The following HEMK2 variants were observed in gnomAD, a reference collection of about 807,000 sequenced individuals.
HEMK2 encodes HemK methyltransferase 2, ETF1 glutamine and histone H4 lysine, also known as methyltransferase HEMK2.
the HEMK2 span, among the ~76,000 whole-genome samples, chr21:28,580,688 C>G: frequency 1.3e-5 from 2 of 152,162 alleles, no homozygotes; most frequent in African/African-American, 2.4e-5. Flanking sequence ...ACTACACACT[C>G]AGCCTCCTCC....
chr21:28,854,953 CCAT>C, the HEMK2 span, among the ~76,000 whole-genome samples: 6 of 152,210 alleles, frequency 3.9e-5, no homozygotes, highest in Non-Finnish European at 7.4e-5. Flanking sequence ...AGCAGCCACA[CCAT>C]CAAGTCTGCG....
At chr21:28,631,868 T>C in the HEMK2 span, among the ~76,000 whole-genome samples, 74 of 152,174 alleles carry the variant, frequency 4.9e-4, no homozygotes, top group African/African-American at 1.6e-3. Flanking sequence ...AGTTGCCCTG[T>C]CCACATACAA....
At chr21:28,654,097 G>A in the HEMK2 span, among the ~76,000 whole-genome samples, 3 of 152,134 alleles carry the variant, frequency 2.0e-5, no homozygotes, top group African/African-American at 4.8e-5. Flanking sequence ...CAGCAACCAT[G>A]AAGAGGAAGA....
the HEMK2 span, among the ~76,000 whole-genome samples, chr21:28,583,169 G>A: frequency 0.6 from 91,431 of 152,054 alleles, 28,080 homozygotes; most frequent in Middle Eastern, 0.71. Context: ...AAAGAATTAT[G>A]TAAGATGAAA....
the HEMK2 span, among the ~76,000 whole-genome samples, chr21:28,665,532 G>A: frequency 6.6e-5 from 10 of 151,456 alleles, no homozygotes; most frequent in Non-Finnish European, 4.4e-5. Flanking sequence ...GCACCAACAT[G>A]GCACATGTAT....
chr21:28,720,049 G>C, the HEMK2 span, among the ~76,000 whole-genome samples: 1 of 152,204 alleles, frequency 6.6e-6, no homozygotes, highest in Admixed American at 6.5e-5. Flanking sequence ...GCTTCGGTTT[G>C]ATGATTTCAC....
At chr21:28,785,830 G>A in the HEMK2 span, among the ~76,000 whole-genome samples, 7 of 152,094 alleles carry the variant, frequency 4.6e-5, no homozygotes, top group African/African-American at 9.7e-5. Flanking sequence ...ACCATCTCCC[G>A]TATACACCAT....
the HEMK2 span, among the ~76,000 whole-genome samples, chr21:28,624,455 A>G: frequency 6.6e-6 from 1 of 152,214 alleles, no homozygotes; most frequent in South Asian, 2.1e-4. Context: ...ATGAGGATAA[A>G]AACAGAGTTG....
chr21:28,685,120 G>A, the HEMK2 span, among the ~76,000 whole-genome samples: 5 of 152,174 alleles, frequency 3.3e-5, no homozygotes, highest in African/African-American at 1.2e-4. Context: ...ATAGGGAATC[G>A]GTTCATGTGA....
At chr21:28,868,539 CTGGT>C in the HEMK2 span, among the ~76,000 whole-genome samples, 1 of 152,076 alleles carries the variant, frequency 6.6e-6, no homozygotes, top group Non-Finnish European at 1.5e-5. Flanking sequence ...AAAAAATTAG[CTGGT>C]TGTGGTGGTG....
At chr21:28,669,497 G>A in the HEMK2 span, among the ~76,000 whole-genome samples, 20 of 152,122 alleles carry the variant, frequency 1.3e-4, no homozygotes, top group African/African-American at 4.3e-4. Flanking sequence ...TTAACCATGT[G>A]ACTCACTTGG....
At chr21:28,716,255 T>C in the HEMK2 span, among the ~76,000 whole-genome samples, 1 of 152,184 alleles carries the variant, frequency 6.6e-6, no homozygotes, top group South Asian at 2.1e-4. Flanking sequence ...AATCTTCTGA[T>C]ACATGTGCCT....
the HEMK2 span, among the ~76,000 whole-genome samples, chr21:28,722,184 A>G: frequency 2.6e-5 from 4 of 152,106 alleles, no homozygotes; most frequent in Non-Finnish European, 5.9e-5. Flanking sequence ...GTAGGAAGAT[A>G]GAGTAAAAAT....
At chr21:28,800,891 C>T in the HEMK2 span, among the ~76,000 whole-genome samples, 120 of 152,308 alleles carry the variant, frequency 7.9e-4, no homozygotes, top group Non-Finnish European at 1.5e-3. Context: ...AATAAAATGA[C>T]CTGTGGGGCC....
the HEMK2 span, among the ~76,000 whole-genome samples, chr21:28,623,775 T>C: frequency 6.6e-6 from 1 of 151,580 alleles, no homozygotes; most frequent in Non-Finnish European, 1.5e-5. Context: ...TGAGTGGGAG[T>C]TGAACAGTGA....
chr21:28,794,921 T>G, the HEMK2 span, among the ~76,000 whole-genome samples: 1 of 152,082 alleles, frequency 6.6e-6, no homozygotes, highest in Non-Finnish European at 1.5e-5. Flanking sequence ...GGCCCAAGAG[T>G]TGACGATGGG....
chr21:28,584,337 A>G, the HEMK2 span, among the ~76,000 whole-genome samples: 3 of 152,328 alleles, frequency 2.0e-5, no homozygotes, highest in East Asian at 5.8e-4. Context: ...TACAAGAGCA[A>G]ATCAGTAATA....
chr21:28,728,508 A>C, the HEMK2 span, among the ~76,000 whole-genome samples: 19 of 152,114 alleles, frequency 1.2e-4, no homozygotes, highest in Non-Finnish European at 2.5e-4. Flanking sequence ...ACTCTTAAGT[A>C]TGTCTTCGGT....
the HEMK2 span, among the ~76,000 whole-genome samples, chr21:28,681,115 CCT>C: frequency 2.0e-5 from 3 of 152,064 alleles, no homozygotes; most frequent in African/African-American, 7.2e-5. Context: ...TCAAATTGTC[CCT>C]GTTTGCAGAT....
Sources: allele counts gnomAD v4.1 joint callset (sites outside exome capture counted in the v4.1 genomes callset), GRCh38; gene constraint gnomAD v4.1.1; transcripts MANE v1.5; gene names NCBI Gene and HGNC (gene_info 2026-07-23, HGNC 2026-07-21).